SLC7A1: variants seen among roughly 807,000 people sequenced by gnomAD.
SLC7A1 encodes solute carrier family 7 member 1.
In SLC7A1, 10 loss-of-function variants were observed where a neutral mutation model predicts 53.9. The observed-to-expected ratio is 0.19, with a 90% confidence interval of 0.11 to 0.31. The LOEUF (loss-of-function observed/expected upper bound fraction) is 0.31, where lower values mean the gene tolerates loss of function less well. SLC7A1 is among the 10% of genes least tolerant of loss of function. SLC7A1 has a pLI of 1.00. For synonymous variants in SLC7A1, 342 were observed against 338.7 expected, an observed-to-expected ratio of 1.01 and a Z score of -0.11; for missense variants, 525 against 827.2, an observed-to-expected ratio of 0.63 and a Z score of 4.48.
At chr13:29,515,443 A>G (rs1286967052) in intron 12 of SLC7A1, among the ~76,000 whole-genome samples, 1 of 152,124 alleles carries the variant, frequency 6.6e-6, no homozygotes, top group Admixed American at 6.5e-5. Context: ...GAGGAAAAGC[A>G]CCCCTCGAGG....
At chr13:29,539,991 T>A (rs1401172579) in intron 2 of SLC7A1, among the ~76,000 whole-genome samples, 2 of 152,212 alleles carry the variant, frequency 1.3e-5, no homozygotes, top group African/African-American at 4.8e-5. Context: ...TTGGAAGTAA[T>A]GCAAAAACCT....
intron 5 of SLC7A1, among the ~76,000 whole-genome samples, chr13:29,524,578 G>A (rs1001282286): frequency 1.3e-5 from 2 of 152,196 alleles, no homozygotes; most frequent in Non-Finnish European, 2.9e-5. Context: ...CAGCCACGCG[G>A]CCAGTCCCAC....
intron 2 of SLC7A1, among the ~76,000 whole-genome samples, chr13:29,539,168 C>T (rs892014113): frequency 1.4e-5 from 2 of 141,462 alleles, no homozygotes; most frequent in African/African-American, 5.1e-5. Flanking sequence ...GGGCTATTTC[C>T]TTTTTGCACT....
chr13:29,555,185 C>T (rs1407475374), intron 1 of SLC7A1, among the ~76,000 whole-genome samples: 2 of 148,326 alleles, frequency 1.3e-5, no homozygotes, highest in Non-Finnish European at 3.0e-5. Flanking sequence ...GGTGAAACCC[C>T]GTCTCTACTA....
intron 1 of SLC7A1, among the ~76,000 whole-genome samples, chr13:29,581,591 C>A (rs577345626): frequency 6.6e-5 from 10 of 152,324 alleles, no homozygotes; most frequent in Non-Finnish European, 1.5e-4. Flanking sequence ...CAGCATACAG[C>A]CAAGCATGCG....
At chr13:29,528,673 T>C (rs1293650207) in intron 5 of SLC7A1, among the ~76,000 whole-genome samples, 1 of 152,068 alleles carries the variant, frequency 6.6e-6, no homozygotes, top group African/African-American at 2.4e-5. Context: ...TAATAGAGCA[T>C]GCCAAGGAGG....
intron 5 of SLC7A1, among the ~76,000 whole-genome samples, 198 bp downstream of exon 5, chr13:29,530,340 A>T (rs142336200): frequency 6.6e-6 from 1 of 152,288 alleles, no homozygotes; most frequent in East Asian, 1.9e-4. Context: ...TTTCCATTTC[A>T]GGGGAATAAA....
At chr13:29,550,866 C>G (rs1019454903) in intron 2 of SLC7A1, among the ~76,000 whole-genome samples, 1 of 152,222 alleles carries the variant, frequency 6.6e-6, no homozygotes, top group Admixed American at 6.5e-5. Flanking sequence ...TCCAAACACT[C>G]TTGTGTGATA....
chr13:29,579,267 C>A (rs993116599), intron 1 of SLC7A1, among the ~76,000 whole-genome samples: 2 of 152,160 alleles, frequency 1.3e-5, no homozygotes, highest in Non-Finnish European at 2.9e-5. Flanking sequence ...ATTCCAAACT[C>A]CACCTGAGGC....
chr13:29,517,352 T>G, intron 10 of SLC7A1, 42 bp from the exon 11 acceptor site: 1 of 1,567,236 alleles, frequency 6.4e-7, no homozygotes. Context: ...ACTCAACCAT[T>G]TCCCAATTTC....
chr13:29,588,610 T>C (rs933073069), intron 1 of SLC7A1, among the ~76,000 whole-genome samples: 2 of 151,920 alleles, frequency 1.3e-5, no homozygotes, highest in Non-Finnish European at 2.9e-5. Context: ...TTCAAGTGAT[T>C]CCTGTGTCTC....
intron 1 of SLC7A1, among the ~76,000 whole-genome samples, chr13:29,556,798 C>T (rs921506100): frequency 3.3e-5 from 5 of 152,336 alleles, no homozygotes. Context: ...AGTTTGAGAA[C>T]CACTGCTTGT....
chr13:29,549,927 T>C (rs1188356247), intron 2 of SLC7A1, among the ~76,000 whole-genome samples: 1 of 152,188 alleles, frequency 6.6e-6, no homozygotes, highest in East Asian at 1.9e-4. Context: ...CCTCACAAAG[T>C]CCTGGGATTA....
chr13:29,562,525 T>A lies in SLC7A1; in HGVS notation c.-114-8665A>T, dbSNP rs1870805223. On this transcript the variant is annotated intron_variant, in intron 1 of 12. Coordinates refer to ENST00000380752, the MANE Select transcript of SLC7A1 (RefSeq NM_003045.5). ...GGTAAGTATAATGCAAATAGTTCAA[T>A]CTGAAAAAATCCCAAATCCGAAATG... is the stretch of plus-strand genomic sequence containing the variant. Among the ~76,000 whole-genome samples, 3 of 152,294 alleles carry A rather than the reference T, an allele frequency of 2.0e-5. 1 individual carries two copies. The South Asian group carries it at 6.2e-4, about 32-fold the overall frequency.
chr13:29,587,474 T>A (rs1334125378), intron 1 of SLC7A1, among the ~76,000 whole-genome samples: 1 of 152,134 alleles, frequency 6.6e-6, no homozygotes, highest in Non-Finnish European at 1.5e-5. Flanking sequence ...CGTAGCCCAC[T>A]GGTAGGGGCC....
Position 29,573,698 on chromosome 13 carries a change from C to T in SLC7A1, c.-114-19838G>A, listed in dbSNP as rs77219134. ...ATGTAAGTATGCCCCAAATATATCA[C>T]AATGATGTCCCAAATATTGCCAACA... On this transcript the variant is annotated intron_variant, in intron 1 of 12. Transcript: ENST00000380752. Among the ~76,000 whole-genome samples, 408 of 152,352 alleles carry T rather than the reference C, an allele frequency of 2.7e-3. 1 individual carries two copies. The highest frequency in any genetic ancestry group is 0.01 in the Middle Eastern group (3 of 294).
chr13:29,578,396 G>A (rs1011869383), intron 1 of SLC7A1, among the ~76,000 whole-genome samples: 5 of 152,124 alleles, frequency 3.3e-5, no homozygotes, highest in African/African-American at 7.2e-5. Context: ...ATCCAAGGGC[G>A]TGTTATTTTA....
intron 8 of SLC7A1, 57 bp downstream of exon 8, chr13:29,522,260 G>T: frequency 6.4e-7 from 1 of 1,571,642 alleles, no homozygotes; most frequent in Admixed American, 1.7e-5. Flanking sequence ...CGTCTCCCTA[G>T]GGAGTAATGA....
intron 5 of SLC7A1, among the ~76,000 whole-genome samples, chr13:29,526,087 G>A (rs1868874631): frequency 6.6e-6 from 1 of 152,362 alleles, no homozygotes; most frequent in Non-Finnish European, 1.5e-5. Context: ...AATGGCTTCT[G>A]TGGGCCCCAC....
Sources: allele counts gnomAD v4.1 joint callset (sites outside exome capture counted in the v4.1 genomes callset), GRCh38; gene constraint gnomAD v4.1.1; transcripts MANE v1.5; gene names NCBI Gene and HGNC (gene_info 2026-07-23, HGNC 2026-07-21).